Variants in AKAP19 observed in about 807,000 individuals in gnomAD.
The protein encoded by AKAP19 is A-kinase anchoring protein 19.
the AKAP19 span, among the ~76,000 whole-genome samples, chr2:189,940,750 G>A: frequency 2.0e-5 from 3 of 151,962 alleles, no homozygotes; most frequent in African/African-American, 7.3e-5. Context: ...AATTAGCCAG[G>A]CGTGGTGGCG....
chr2:190,002,822 G>T, the AKAP19 span, among the ~76,000 whole-genome samples: 5 of 152,134 alleles, frequency 3.3e-5, no homozygotes, highest in Non-Finnish European at 4.4e-5. Context: ...CCTGTTTGAT[G>T]TTTGGGTTTT....
chr2:190,142,004 T>C, the AKAP19 span, among the ~76,000 whole-genome samples: 1 of 152,190 alleles, frequency 6.6e-6, no homozygotes, highest in Non-Finnish European at 1.5e-5. Context: ...TACCTCTTCA[T>C]GCTACTTCGT....
the AKAP19 span, among the ~76,000 whole-genome samples, chr2:190,027,064 C>T: frequency 6.6e-6 from 1 of 152,146 alleles, no homozygotes; most frequent in South Asian, 2.1e-4. Context: ...ATTAGAATTT[C>T]ATAGCAGCTT....
chr2:189,985,805 C>A, the AKAP19 span, among the ~76,000 whole-genome samples: 1 of 152,044 alleles, frequency 6.6e-6, no homozygotes, highest in African/African-American at 2.4e-5. Flanking sequence ...TTTTAAGCTG[C>A]TAAGCTTGTG....
At chr2:190,006,811 G>T in the AKAP19 span, among the ~76,000 whole-genome samples, 2 of 151,978 alleles carry the variant, frequency 1.3e-5, no homozygotes, top group Non-Finnish European at 2.9e-5. Flanking sequence ...GAGGTCAGGA[G>T]ATCGAGACTA....
chr2:190,002,352 GT>G, the AKAP19 span, among the ~76,000 whole-genome samples: 2 of 152,062 alleles, frequency 1.3e-5, no homozygotes, highest in Non-Finnish European at 2.9e-5. Context: ...GTTTATCTCT[GT>G]TTTTCTTGTC....
chr2:189,924,857 A>T, the AKAP19 span, among the ~76,000 whole-genome samples: 1 of 152,172 alleles, frequency 6.6e-6, no homozygotes, highest in South Asian at 2.1e-4. Flanking sequence ...CCTCAAAATA[A>T]ACAAGTCCTT....
the AKAP19 span, chr2:189,923,639 G>C: frequency 6.2e-7 from 1 of 1,614,114 alleles, no homozygotes; most frequent in South Asian, 1.1e-5. Context: ...ACGATCTGCA[G>C]CGGAGATGTA....
the AKAP19 span, among the ~76,000 whole-genome samples, chr2:190,166,298 TA>T: frequency 0.019 from 1,771 of 95,598 alleles, 13 homozygotes; most frequent in Middle Eastern, 0.058. Context: ...GTGAAGGAAT[TA>T]AAAAAAAAAA....
At chr2:190,083,295 A>G in the AKAP19 span, among the ~76,000 whole-genome samples, 1 of 152,082 alleles carries the variant, frequency 6.6e-6, no homozygotes, top group Non-Finnish European at 1.5e-5. Flanking sequence ...GGGAGGATCG[A>G]TGCCTGGGAG....
chr2:190,172,352 G>A, the AKAP19 span, among the ~76,000 whole-genome samples: 1 of 152,010 alleles, frequency 6.6e-6, no homozygotes, highest in Non-Finnish European at 1.5e-5. Flanking sequence ...TCTTATCTCT[G>A]TGGCTGGCTC....
At chr2:190,185,591 A>AC in the AKAP19 span, among the ~76,000 whole-genome samples, 1 of 152,216 alleles carries the variant, frequency 6.6e-6, no homozygotes, top group East Asian at 1.9e-4. Flanking sequence ...AGATGAAGCC[A>AC]CCTGGTAGCC....
At chr2:189,963,781 T>C in the AKAP19 span, among the ~76,000 whole-genome samples, 1 of 151,848 alleles carries the variant, frequency 6.6e-6, no homozygotes, top group Admixed American at 6.6e-5. Flanking sequence ...TTTTTTTTTT[T>C]GAGATAGGGT....
At chr2:190,160,900 C>T in the AKAP19 span, among the ~76,000 whole-genome samples, 1 of 152,228 alleles carries the variant, frequency 6.6e-6, no homozygotes, top group South Asian at 2.1e-4. Context: ...AAAGTCTAGT[C>T]ATACTTGCTT....
chr2:189,881,848 A>G, the AKAP19 span, among the ~76,000 whole-genome samples: 1 of 152,226 alleles, frequency 6.6e-6, no homozygotes, highest in Non-Finnish European at 1.5e-5. Context: ...AGTTTTTGAA[A>G]CATAATTTTT....
At chr2:189,893,800 A>G in the AKAP19 span, among the ~76,000 whole-genome samples, 1 of 152,176 alleles carries the variant, frequency 6.6e-6, no homozygotes, top group South Asian at 2.1e-4. Context: ...AAAAATAACA[A>G]TATAGGAGTA....
the AKAP19 span, among the ~76,000 whole-genome samples, chr2:190,173,051 GT>G: frequency 6.6e-6 from 1 of 151,118 alleles, no homozygotes; most frequent in Non-Finnish European, 1.5e-5. Context: ...GGAGGCAGAC[GT>G]TGCAGTGAGC....
chr2:189,990,394 T>A, the AKAP19 span, among the ~76,000 whole-genome samples: 37 of 148,832 alleles, frequency 2.5e-4, no homozygotes, highest in African/African-American at 9.4e-4. Context: ...GGTTGTGTGG[T>A]TTTTGTCGTT....
the AKAP19 span, among the ~76,000 whole-genome samples, chr2:190,193,300 GTCA>G: frequency 1.5e-4 from 23 of 152,074 alleles, no homozygotes; most frequent in South Asian, 3.1e-3. Context: ...AATCCACTCA[GTCA>G]TCATGTTTTA....
Sources: gnomAD v4.1 joint callset for allele counts (sites outside exome capture counted in the v4.1 genomes callset) on GRCh38, gnomAD v4.1.1 for gene constraint, MANE v1.5 for transcripts, NCBI Gene and HGNC (gene_info 2026-07-23, HGNC 2026-07-21) for gene names.